RANBP3: variants seen among roughly 807,000 people sequenced by gnomAD.
RANBP3 encodes the protein RAN binding protein 3.
RANBP3 carries 14 observed loss-of-function variants against 77.3 expected under a neutral mutation model. The observed-to-expected ratio is 0.18, with a 90% CI of 0.12 to 0.28. The LOEUF (loss-of-function observed/expected upper bound fraction) is 0.28. RANBP3 is among the 10% of genes least tolerant of loss of function. The pLI, the probability that RANBP3 is intolerant of heterozygous loss-of-function variation, is 1.00. For missense variants in RANBP3, 586 were observed against 752.3 expected (o/e 0.78, Z 2.59); for synonymous variants, 315 against 312.4 (o/e 1.01, Z -0.09).
chr19:5,933,129 C>T (rs950034863), intron 6 of RANBP3: 2 of 412,752 alleles, frequency 4.8e-6, no homozygotes, highest in East Asian at 8.7e-5. Context: ...ACAGGCTGAA[C>T]CAAGTGCGCT....
chr19:5,958,587 C>T lies in RANBP3; in HGVS notation c.23-614G>A, dbSNP rs376639923. Reference sequence around the variant, plus strand: ...GTCACTTGATGGGACAAGAGCAAGGCGGCCTGTAATGCCCACGCAACACCA... The same window carrying T: ...GTCACTTGATGGGACAAGAGCAAGGTGGCCTGTAATGCCCACGCAACACCA... On this transcript the variant is annotated intron_variant, in intron 1 of 16. Transcript: ENST00000340578. The surrounding 1 kb of genome is among the most constrained non-coding windows in gnomAD (Gnocchi z 4.4). Among the ~76,000 whole-genome samples the T allele has an allele frequency of 1.8e-4, 27 of 152,334 alleles. No individual in the cohort carries two copies. Among genetic ancestry groups the T allele is most frequent in the African/African-American group, 5.1e-4 (21 of 41,576 alleles).
At chr19:5,927,485 T>G (rs928585922) in intron 9 of RANBP3, among the ~76,000 whole-genome samples, 4 of 152,156 alleles carry the variant, frequency 2.6e-5, no homozygotes, top group Non-Finnish European at 4.4e-5. Context: ...GAGCATTGGG[T>G]GGGTGGAGGC....
intron 3 of RANBP3, among the ~76,000 whole-genome samples, chr19:5,945,716 T>C (rs1009193404): frequency 4.6e-5 from 7 of 152,146 alleles, no homozygotes; most frequent in African/African-American, 1.7e-4. Context: ...TTTTGGGGGC[T>C]CTTTTGACGA....
intron 1 of RANBP3, among the ~76,000 whole-genome samples, chr19:5,963,302 C>T (rs951459239): frequency 6.6e-6 from 1 of 152,138 alleles, no homozygotes; most frequent in Non-Finnish European, 1.5e-5. Context: ...TTTGTAATCC[C>T]AGCACTTGGG....
Position 5,958,472 on chromosome 19 carries a change from T to C in RANBP3, c.23-499A>G, listed in dbSNP as rs1036676416. ...TCAACCTGGATCTCTAAGTGAGTGCTGGTTGGGAGGAAAGGATGTCTGGAG... is the reference window on the plus strand; with the variant it reads ...TCAACCTGGATCTCTAAGTGAGTGCCGGTTGGGAGGAAAGGATGTCTGGAG... On this transcript the variant is annotated intron_variant, in intron 1 of 16. Transcript: ENST00000340578. The surrounding 1 kb of genome is among the most constrained non-coding windows in gnomAD (Gnocchi z 4.4). 6.6e-6 allele frequency among the ~76,000 whole-genome samples: 1 copy of C among 152,254 alleles called. No individual in the cohort carries two copies. The highest frequency in any genetic ancestry group is 1.5e-5 in the Non-Finnish European group (1 of 68,044).
intron 5 of RANBP3, 34 bp downstream of exon 5, chr19:5,941,587 C>A (rs752266619): frequency 5.1e-6 from 8 of 1,555,872 alleles, no homozygotes; most frequent in Middle Eastern, 2.0e-4. Flanking sequence ...TAAGCATAAA[C>A]GCTTTCACCA....
intron 8 of RANBP3, among the ~76,000 whole-genome samples, chr19:5,929,499 T>A (rs2057959108): frequency 6.6e-6 from 1 of 152,260 alleles, no homozygotes; most frequent in African/African-American, 2.4e-5. Context: ...GGTATGTCTA[T>A]GACCTGGCGG....
In RANBP3 at chr19:5,931,019, G is replaced by A. The variant is rs144158234; in HGVS notation, c.693+385C>T. Among the ~76,000 whole-genome samples, 141 of 152,300 alleles carry A rather than the reference G, an allele frequency of 9.3e-4. No individual in the cohort carries two copies. In the Middle Eastern group the frequency reaches 0.017, roughly 18 times the overall value. On this transcript the variant is annotated intron_variant, in intron 8 of 16. Transcript: ENST00000340578. ...TGCAAGACACCCATCAGTGACAGCCGTTCCTCGGGCCCTAGTGACTCCTCA... is the reference window on the plus strand; with the variant it reads ...TGCAAGACACCCATCAGTGACAGCCATTCCTCGGGCCCTAGTGACTCCTCA...
Position 5,925,663 on chromosome 19 carries a change from C to G in RANBP3, c.888G>C (p.Thr296=). ...AACTGATATACTGGAGGAAATAGTT[C>G]GTTGCGGTTGGCGTGTCTGCGCTGG... is the stretch of plus-strand genomic sequence containing the variant. ...GHPSADTPTA[T]NYFLQYISSS... The change falls in exon 10 of 17, where the codon ACG becomes ACC. Residue 296 remains threonine, a synonymous_variant. Transcript: ENST00000340578. 1 of 1,614,018 alleles carries G rather than the reference C, an allele frequency of 6.2e-7. No individual in the cohort carries two copies. The highest frequency in any genetic ancestry group is 2.2e-5 in the East Asian group (1 of 44,874).
intron 14 of RANBP3, among the ~76,000 whole-genome samples, chr19:5,920,153 T>A (rs1255077784): frequency 3.3e-5 from 5 of 152,140 alleles, no homozygotes; most frequent in Non-Finnish European, 7.4e-5. Flanking sequence ...TTCCAGCGCT[T>A]TGGGAGGCTG....
rs1393492084 is a variant in RANBP3, at chr19:5,952,091, G to A, written c.79-495C>T. On this transcript the variant is annotated intron_variant, in intron 2 of 16. Transcript: ENST00000340578. This position sits in a 1 kb window ranked among gnomAD's most constrained non-coding sequence, Gnocchi z 4.1. ...CCAGGGTCAAGGGCTTCTGCCTCTC[G>A]CCGGGGTCAAGGGCTTCTGCCTCTC... Among the ~76,000 whole-genome samples, 3 of 151,636 alleles carry A rather than the reference G, an allele frequency of 2.0e-5. No individual in the cohort carries two copies. The highest frequency in any genetic ancestry group is 4.4e-5 in the Non-Finnish European group (3 of 68,008).
At chr19:5,949,266 G>T (rs372437584) in intron 3 of RANBP3, among the ~76,000 whole-genome samples, 29 of 152,336 alleles carry the variant, frequency 1.9e-4, no homozygotes, top group African/African-American at 5.1e-4. Flanking sequence ...CACGAAAAAG[G>T]CTCAGGCCAA....
intron 14 of RANBP3, among the ~76,000 whole-genome samples, chr19:5,919,885 G>T (rs1244170875): frequency 6.9e-6 from 1 of 144,422 alleles, no homozygotes; most frequent in East Asian, 2.1e-4. Context: ...TGGGCAACAA[G>T]GGCAAAACTC....
chr19:5,939,320 T>G (rs1474795521), intron 5 of RANBP3, among the ~76,000 whole-genome samples: 1 of 152,198 alleles, frequency 6.6e-6, no homozygotes, highest in Non-Finnish European at 1.5e-5. Flanking sequence ...GAAACAAACA[T>G]GAGGGCTTAT....
Position 5,952,340 on chromosome 19 carries a change from A to G in RANBP3, c.79-744T>C, listed in dbSNP as rs1056170351. Among the ~76,000 whole-genome samples the G allele has an allele frequency of 2.0e-5, 3 of 152,122 alleles. No individual in the cohort carries two copies. Among genetic ancestry groups the G allele is most frequent in the African/African-American group, 7.2e-5 (3 of 41,410 alleles). On this transcript the variant is annotated intron_variant, in intron 2 of 16. Coordinates refer to ENST00000340578, the MANE Select transcript of RANBP3 (RefSeq NM_007322.3). This position sits in a 1 kb window ranked among gnomAD's most constrained non-coding sequence, Gnocchi z 4.1. ...TCCTCAACACCCCAGGCAAGGGCTC[A>G]TTTGGAAAGCTGCCAAGGTGAGAGC...
chr19:5,919,331 C>T (rs2057787509), intron 14 of RANBP3, among the ~76,000 whole-genome samples: 1 of 152,232 alleles, frequency 6.6e-6, no homozygotes, highest in Non-Finnish European at 1.5e-5. Context: ...AGCCGCCTCT[C>T]CCCACTGGAG....
intron 1 of RANBP3, chr19:5,965,961 C>T (rs902182835): frequency 6.6e-6 from 1 of 152,230 alleles, no homozygotes; most frequent in African/African-American, 2.4e-5. Flanking sequence ...GGTCAAGCGA[C>T]CTGTCGGAGG....
intron 5 of RANBP3, among the ~76,000 whole-genome samples, chr19:5,939,711 A>G (rs2058110232): frequency 6.6e-6 from 1 of 152,116 alleles, no homozygotes; most frequent in Admixed American, 6.5e-5. Context: ...GAGGAGACGG[A>G]ACAGCACGCA....
chr19:5,944,197 C>T (rs970730965), intron 3 of RANBP3, among the ~76,000 whole-genome samples: 78 of 152,204 alleles, frequency 5.1e-4, no homozygotes, highest in African/African-American at 1.8e-3. Context: ...GGAGGCTACG[C>T]TGGGGGCAGG....
Sources: allele counts gnomAD v4.1 joint callset (sites outside exome capture counted in the v4.1 genomes callset), GRCh38; gene constraint gnomAD v4.1.1; non-coding constraint Gnocchi (gnomAD v3.1); transcripts MANE v1.5; gene names NCBI Gene and HGNC (gene_info 2026-07-23, HGNC 2026-07-21).